PTPN22: variants seen among roughly 807,000 people sequenced by gnomAD.
PTPN22 encodes protein tyrosine phosphatase non-receptor type 22.
In PTPN22, 85 loss-of-function variants were observed where a neutral mutation model predicts 103.3. That is an observed-to-expected ratio of 0.82 (90% CI 0.69 to 0.99). The LOEUF is 0.99. Ranked by LOEUF, PTPN22 falls within the 50% of genes least tolerant of loss-of-function variation. The pLI is 0.00. For synonymous variants in PTPN22, 323 were observed against 310.2 expected, an observed-to-expected ratio of 1.04 and a Z score of -0.43; for missense variants, 865 against 936.9, an observed-to-expected ratio of 0.92 and a Z score of 1.00.
intron 11 of PTPN22, among the ~76,000 whole-genome samples, chr1:113,840,987 G>T (rs1344207639): frequency 1.3e-5 from 2 of 152,242 alleles, no homozygotes; most frequent in East Asian, 3.8e-4. Flanking sequence ...CACTTTGGGA[G>T]GCTGAGGCGG....
chr1:113,841,792 G>A (rs868294332), intron 11 of PTPN22, among the ~76,000 whole-genome samples: 13 of 152,056 alleles, frequency 8.5e-5, no homozygotes, highest in South Asian at 2.1e-4. Context: ...TAGGAGAGAC[G>A]GGATTTCACC....
chr1:113,844,889 G>A (rs184190414), intron 11 of PTPN22, among the ~76,000 whole-genome samples: 112 of 152,316 alleles, frequency 7.4e-4, no homozygotes, highest in African/African-American at 2.5e-3. Context: ...CACAATCACA[G>A]TTGACTGCAG....
At chr1:113,822,589 A>C (rs1263411038) in intron 19 of PTPN22, among the ~76,000 whole-genome samples, 3 of 151,902 alleles carry the variant, frequency 2.0e-5, no homozygotes, top group African/African-American at 7.3e-5. Context: ...TGTTCCCTCT[A>C]TCTGAAATAC....
intron 20 of PTPN22, 176 bp downstream of exon 20, chr1:113,819,401 G>A: frequency 2.5e-6 from 1 of 392,512 alleles, no homozygotes; most frequent in Non-Finnish European, 4.5e-6. Context: ...TTAGTTCTGT[G>A]TGAGATGTTA....
chr1:113,871,133 C>T (rs774801427), intron 1 of PTPN22, among the ~76,000 whole-genome samples: 42 of 152,222 alleles, frequency 2.8e-4, no homozygotes, highest in Admixed American at 2.7e-3. Flanking sequence ...AGAGGGGAGG[C>T]TAAAAATGTA....
chr1:113,859,412 T>C, exon 2 of PTPN22: 1 of 1,614,044 alleles, frequency 6.2e-7, no homozygotes, highest in Non-Finnish European at 8.5e-7. Flanking sequence ...GCCACAGTTG[T>C]AGGATAGGTT....
At chr1:113,838,958 A>G (rs1663272727) in intron 11 of PTPN22, among the ~76,000 whole-genome samples, 1 of 152,142 alleles carries the variant, frequency 6.6e-6, no homozygotes, top group African/African-American at 2.4e-5. Context: ...AGCCCTTTAC[A>G]GGTACTTATT....
intron 7 of PTPN22, among the ~76,000 whole-genome samples, chr1:113,855,948 A>G (rs543920617): frequency 6.6e-6 from 1 of 152,310 alleles, no homozygotes; most frequent in South Asian, 2.1e-4. Context: ...CCCTACAAAT[A>G]TTATCATTTT....
At chr1:113,834,844 G>A (rs762544965) in intron 14 of PTPN22, 66 bp downstream of exon 14, 35 of 1,275,136 alleles carry the variant, frequency 2.7e-5, no homozygotes, top group Non-Finnish European at 3.7e-5. Flanking sequence ...CAAAGTGCTG[G>A]AATTAAAGGC....
At chr1:113,854,836 A>G (rs1251643666) in intron 8 of PTPN22, 71 bp downstream of exon 8, 1 of 1,494,344 alleles carries the variant, frequency 6.7e-7, no homozygotes, top group African/African-American at 1.4e-5. Context: ...TTCCCCTTTC[A>G]ATTACACAGT....
At chr1:113,854,355 G>A in intron 9 of PTPN22, 116 bp downstream of exon 9, 1 of 1,020,386 alleles carries the variant, frequency 9.8e-7, no homozygotes, top group South Asian at 1.5e-5. Flanking sequence ...GGGTCTACAA[G>A]TACATTTTCT....
intron 11 of PTPN22, among the ~76,000 whole-genome samples, chr1:113,839,899 G>GA (rs35025140): frequency 0.32 from 46,787 of 147,964 alleles, 8,604 homozygotes; most frequent in African/African-American, 0.52. Context: ...TCTTAGGCAA[G>GA]AAAAAAAAAA....
rs563073692 is a variant in PTPN22, at chr1:113,818,478, T to G, written c.2359+1099A>C. Among the ~76,000 whole-genome samples the G allele has an allele frequency of 8.5e-5, 13 of 152,272 alleles. No individual in the cohort carries two copies. The South Asian group carries it at 2.7e-3, about 32-fold the overall frequency. On this transcript the variant is annotated intron_variant, in intron 20 of 20. Coordinates refer to ENST00000359785, the Ensembl canonical transcript of PTPN22. ...CCTCCCAGCCTAAATTATAACTTTT[T>G]AAACCTCAGAGTTAATGAAATCCAA...
At chr1:113,854,296 C>T (rs1357217933) in intron 9 of PTPN22, among the ~76,000 whole-genome samples, 175 bp downstream of exon 9, 1 of 152,180 alleles carries the variant, frequency 6.6e-6, no homozygotes, top group Non-Finnish European at 1.5e-5. Flanking sequence ...CTGGGGACCA[C>T]CCTTTAAGAC....
chr1:113,819,688 C>G (rs1460944684), intron 19 of PTPN22, 34 bp from the exon 20 acceptor site: 1 of 1,433,984 alleles, frequency 7.0e-7, no homozygotes, highest in Non-Finnish European at 9.7e-7. Context: ...AAGGGAAAGA[C>G]TAAAGACAGA....
At chr1:113,862,920 C>G (rs528538965) in intron 1 of PTPN22, among the ~76,000 whole-genome samples, 49 of 152,266 alleles carry the variant, frequency 3.2e-4, no homozygotes, top group African/African-American at 1.1e-3. Flanking sequence ...TACGAGCGTG[C>G]AATGCAATCA....
At chr1:113,854,341 G>T in intron 9 of PTPN22, 130 bp downstream of exon 9, 1 of 844,514 alleles carries the variant, frequency 1.2e-6, no homozygotes, top group Non-Finnish European at 1.9e-6. Flanking sequence ...TCGTCTGACA[G>T]AGTGGGTCTA....
exon 21 of PTPN22, chr1:113,814,791 A>G (rs1231969052): frequency 2.4e-6 from 2 of 844,380 alleles, no homozygotes; most frequent in South Asian, 1.5e-5. Flanking sequence ...ACACATTAGC[A>G]TATCTTCATA....
intron 1 of PTPN22, chr1:113,864,207 T>C (rs1047048863): frequency 6.7e-6 from 3 of 447,986 alleles, no homozygotes; most frequent in Non-Finnish European, 1.3e-5. Flanking sequence ...CAATAGAAGA[T>C]TTGATCTATT....
Sources: allele counts gnomAD v4.1 joint callset (sites outside exome capture counted in the v4.1 genomes callset), GRCh38; gene constraint gnomAD v4.1.1; transcripts MANE v1.5; gene names NCBI Gene and HGNC (gene_info 2026-07-23, HGNC 2026-07-21).